AIG1: variants seen among roughly 807,000 people sequenced by gnomAD.
The protein encoded by AIG1 is androgen induced 1.
In AIG1, 23 loss-of-function variants were observed where a neutral mutation model predicts 31.4. The observed-to-expected ratio is 0.73, with a 90% CI of 0.53 to 1.04. The LOEUF is 1.04. Among genes scored for constraint, AIG1 ranks in the 50% least tolerant of loss-of-function variants. The pLI is 0.00. For synonymous variants in AIG1, 100 were observed against 110.5 expected, an observed-to-expected ratio of 0.90 and a Z score of 0.60; for missense variants, 274 against 295.0, an observed-to-expected ratio of 0.93 and a Z score of 0.52.
At chr6:143,187,541 G>C (rs1480696332) in intron 3 of AIG1, 1 of 1,535,860 alleles carries the variant, frequency 6.5e-7, no homozygotes, top group Non-Finnish European at 8.7e-7. Flanking sequence ...CACTGGGTAG[G>C]CCTGTAATAT....
At chr6:143,117,192 C>CT (rs1583228253) in intron 1 of AIG1, among the ~76,000 whole-genome samples, 1 of 152,176 alleles carries the variant, frequency 6.6e-6, no homozygotes, top group East Asian at 1.9e-4. Context: ...AGACCAGTGG[C>CT]ACTGGAGCAG....
intron 1 of AIG1, among the ~76,000 whole-genome samples, chr6:143,118,956 C>G (rs1025169103): frequency 1.9e-4 from 29 of 151,846 alleles, no homozygotes; most frequent in African/African-American, 7.0e-4. Context: ...TCACTGCAAC[C>G]TCGACCTCCT....
At chr6:143,174,596 G>A (rs1284910856) in intron 3 of AIG1, among the ~76,000 whole-genome samples, 1 of 151,694 alleles carries the variant, frequency 6.6e-6, no homozygotes, top group Non-Finnish European at 1.5e-5. Flanking sequence ...GAGTCTTTGT[G>A]TGTCAGGTGA....
intron 3 of AIG1, among the ~76,000 whole-genome samples, chr6:143,277,420 A>G (rs1797017962): frequency 6.6e-6 from 1 of 152,210 alleles, no homozygotes; most frequent in African/African-American, 2.4e-5. Context: ...CCTGCAGTCC[A>G]GGTGCTTATA....
intron 4 of AIG1, among the ~76,000 whole-genome samples, chr6:143,308,843 A>G (rs1483879863): frequency 6.6e-6 from 1 of 152,172 alleles, no homozygotes; most frequent in Non-Finnish European, 1.5e-5. Context: ...AATTTCCACA[A>G]AGCATTGTAT....
intron 1 of AIG1, among the ~76,000 whole-genome samples, chr6:143,110,011 C>T (rs777858024): frequency 8.5e-5 from 13 of 152,142 alleles, no homozygotes; most frequent in East Asian, 3.8e-4. Context: ...TTTTGCCTTT[C>T]GCATTTCTGG....
At chr6:143,259,300 A>G (rs1001376381) in intron 3 of AIG1, among the ~76,000 whole-genome samples, 8 of 152,226 alleles carry the variant, frequency 5.3e-5, no homozygotes, top group South Asian at 2.1e-4. Context: ...CAGAACATCA[A>G]TAGACATTTT....
At chr6:143,103,758 C>T (rs1334579762) in intron 1 of AIG1, among the ~76,000 whole-genome samples, 2 of 152,006 alleles carry the variant, frequency 1.3e-5, no homozygotes. Context: ...CCGCCCGCCT[C>T]GGCCTCCCAA....
chr6:143,302,052 C>T lies in AIG1; in HGVS notation c.515+17827C>T, dbSNP rs1350339791. ...GGAGACAAATAGAACTCAATGGTGA[C>T]TAGAATAGTTTCATTAATGCTGAAT... On this transcript the variant is annotated intron_variant, in intron 4 of 5. Transcript: ENST00000357847. Among the ~76,000 whole-genome samples, 3 of 151,788 alleles carry T rather than the reference C, an allele frequency of 2.0e-5. No homozygotes were observed. In the East Asian group the frequency reaches 5.8e-4, roughly 29 times the overall value.
intron 3 of AIG1, among the ~76,000 whole-genome samples, chr6:143,251,087 C>G (rs968299834): frequency 9.2e-5 from 14 of 152,208 alleles, no homozygotes; most frequent in African/African-American, 3.1e-4. Context: ...GAGTCTTGCT[C>G]TGTCACCCAG....
intron 4 of AIG1, among the ~76,000 whole-genome samples, chr6:143,320,289 T>G (rs2328474): frequency 6.6e-6 from 1 of 152,072 alleles, no homozygotes; most frequent in African/African-American, 2.4e-5. Flanking sequence ...GGTGCAGCCA[T>G]TATGGAAAAT....
chr6:143,199,394 C>A (rs529830708), intron 3 of AIG1, among the ~76,000 whole-genome samples: 2 of 151,890 alleles, frequency 1.3e-5, no homozygotes, highest in Non-Finnish European at 2.9e-5. Flanking sequence ...GAAATTAAAT[C>A]GGGAAAAATG....
chr6:143,311,334 C>T (rs1775256784), intron 4 of AIG1, among the ~76,000 whole-genome samples: 2 of 151,858 alleles, frequency 1.3e-5, no homozygotes, highest in African/African-American at 4.8e-5. Flanking sequence ...AATACCCTGA[C>T]TTGATCATGC....
intron 1 of AIG1, among the ~76,000 whole-genome samples, chr6:143,098,691 C>T (rs1485869096): frequency 6.6e-6 from 1 of 152,176 alleles, no homozygotes; most frequent in African/African-American, 2.4e-5. Context: ...ATTTTACCTC[C>T]CAAACCTGCT....
intron 2 of AIG1, among the ~76,000 whole-genome samples, chr6:143,151,066 AT>A (rs2128546452): frequency 6.6e-6 from 1 of 152,314 alleles, no homozygotes; most frequent in African/African-American, 2.4e-5. Flanking sequence ...TCTTTGAGTC[AT>A]ATTGGTTCCA....
At chr6:143,242,135 G>A (rs986675317) in intron 3 of AIG1, among the ~76,000 whole-genome samples, 1 of 152,170 alleles carries the variant, frequency 6.6e-6, no homozygotes, top group African/African-American at 2.4e-5. Context: ...GGCTTAGAAT[G>A]AGCACGAGCA....
In AIG1 at chr6:143,107,313, C is replaced by A. The variant is rs149929993; in HGVS notation, c.142-29522C>A. Among the ~76,000 whole-genome samples, 1,310 of 152,172 alleles carry A rather than the reference C, an allele frequency of 8.6e-3. 14 individuals are homozygous for A. The highest frequency in any genetic ancestry group is 0.023 in the African/African-American group (958 of 41,508). On this transcript the variant is annotated intron_variant, in intron 1 of 5. Transcript: ENST00000357847. ...TGAAGGATATTTTAATATAAAGATA[C>A]CTACTCATTGTGAAGACATGTCCTG...
chr6:143,311,534 AC>A (rs1775272772), intron 4 of AIG1, among the ~76,000 whole-genome samples: 2 of 151,974 alleles, frequency 1.3e-5, no homozygotes, highest in South Asian at 4.1e-4. Context: ...GTAATACACA[AC>A]ATCAATAAGC....
chr6:143,217,099 T>G (rs1217468513), intron 3 of AIG1, among the ~76,000 whole-genome samples: 81 of 152,328 alleles, frequency 5.3e-4, no homozygotes, highest in East Asian at 1.9e-4. Context: ...TTTTCATAAT[T>G]TATTTCTAAC....
Sources: allele counts gnomAD v4.1 joint callset (sites outside exome capture counted in the v4.1 genomes callset), GRCh38; gene constraint gnomAD v4.1.1; transcripts MANE v1.5; gene names NCBI Gene and HGNC (gene_info 2026-07-23, HGNC 2026-07-21).